The following IBTK variants were observed in gnomAD, a reference collection of about 807,000 sequenced individuals.
The protein encoded by IBTK is BTK-binding protein.
Under a neutral mutation model 154.9 loss-of-function variants are expected in IBTK, and 83 were observed. The ratio of observed to expected loss-of-function variants is 0.54; its 90% CI spans 0.45 to 0.64. The LOEUF is 0.64. Among genes scored for constraint, IBTK ranks in the 30% least tolerant of loss-of-function variants. The probability of loss-of-function intolerance (pLI) is 0.00; values close to 1 mark genes in which losing one functional copy is unlikely to be tolerated. For missense variants in IBTK, 1,332 were observed against 1,584.6 expected (o/e 0.84, Z 2.71); for synonymous variants, 515 against 536.1 (o/e 0.96, Z 0.54).
At chr6:82,177,637 G>A (rs1768168993) in intron 26 of IBTK, among the ~76,000 whole-genome samples, 1 of 151,920 alleles carries the variant, frequency 6.6e-6, no homozygotes, top group Non-Finnish European at 1.5e-5. Context: ...TGGTCTTGAA[G>A]TCCCGACCTC....
At chr6:82,228,792 T>G (rs1770391238) in intron 4 of IBTK, among the ~76,000 whole-genome samples, 1 of 151,938 alleles carries the variant, frequency 6.6e-6, no homozygotes. Flanking sequence ...TGGCTAATTT[T>G]TTATATTTTT....
At chr6:82,219,381 A>G (rs763589947) in intron 9 of IBTK, among the ~76,000 whole-genome samples, 3 of 152,118 alleles carry the variant, frequency 2.0e-5, no homozygotes, top group Non-Finnish European at 2.9e-5. Context: ...TAATTCCTCA[A>G]TTTCTAAAAT....
chr6:82,238,940 T>G (rs1022772724), intron 2 of IBTK, among the ~76,000 whole-genome samples: 2 of 151,688 alleles, frequency 1.3e-5, no homozygotes, highest in Non-Finnish European at 2.9e-5. Context: ...CGTTTTACTA[T>G]GTTGGCCAGG....
rs766984588 is a variant in IBTK, at chr6:82,216,166, T to A, written c.1511A>T (p.Glu504Val). 6.2e-7 allele frequency: 1 copy of A among 1,613,384 alleles called. No homozygotes were observed. Residue 504 changes from glutamate to valine, a missense_variant, in exon 11 of 29, where the codon GAG becomes GTG. Around this residue, in one of 3 missense-constraint regions of IBTK, gnomAD observed 1,134 missense variants for 1,274.7 expected, o/e 0.89. Transcript: ENST00000306270. ...INSVYERIRLEKLTFAHRAVS... is the reference protein window; with the variant it reads ...INSVYERIRLVKLTFAHRAVS... Reference sequence around the variant, plus strand: ...AGCTCTATGTGCAAAGGTAAGTTTCTCAAGTCGAATTCTTTCATACACACT... The same window carrying A: ...AGCTCTATGTGCAAAGGTAAGTTTCACAAGTCGAATTCTTTCATACACACT...
intron 5 of IBTK, among the ~76,000 whole-genome samples, chr6:82,226,912 G>C (rs933714559): frequency 1.3e-5 from 2 of 152,058 alleles, no homozygotes; most frequent in Non-Finnish European, 2.9e-5. Context: ...GGCCTAGTCT[G>C]CCTTCTTCTA....
chr6:82,223,825 C>T (rs1310387654), intron 7 of IBTK, among the ~76,000 whole-genome samples: 1 of 152,046 alleles, frequency 6.6e-6, no homozygotes, highest in East Asian at 1.9e-4. Context: ...TGGTAGGGGC[C>T]TCTGGTCCCA....
At chr6:82,199,632 T>C (rs1242202854) in intron 21 of IBTK, among the ~76,000 whole-genome samples, 1 of 152,170 alleles carries the variant, frequency 6.6e-6, no homozygotes, top group Non-Finnish European at 1.5e-5. Context: ...TCTAAACCCC[T>C]ATGCCACTGG....
intron 5 of IBTK, 69 bp downstream of exon 5, chr6:82,227,123 T>A (rs753140778): frequency 5.8e-6 from 6 of 1,042,576 alleles, no homozygotes; most frequent in Middle Eastern, 2.1e-4. Flanking sequence ...AAAATTTAGT[T>A]AATTAAATCT....
chr6:82,185,134 G>A (rs1256972288), intron 25 of IBTK, among the ~76,000 whole-genome samples: 4 of 136,346 alleles, frequency 2.9e-5, no homozygotes, highest in African/African-American at 1.1e-4. Context: ...AATGAGCCAA[G>A]ATTGCGCCAC....
intron 5 of IBTK, among the ~76,000 whole-genome samples, chr6:82,226,612 T>TG (rs1375605495): frequency 6.6e-6 from 1 of 151,830 alleles, no homozygotes; most frequent in East Asian, 1.9e-4. Flanking sequence ...TTGTTTTTTT[T>TG]TTTTTCTTTT....
chr6:82,206,227 C>A (rs1769406632), intron 16 of IBTK, among the ~76,000 whole-genome samples: 1 of 152,164 alleles, frequency 6.6e-6, no homozygotes, highest in African/African-American at 2.4e-5. Flanking sequence ...CAGGGAATCA[C>A]ATTGACAGCC....
rs924844080 is a variant in IBTK at position 82,200,436 on chromosome 6, T to C, written c.2912+151A>G. The C allele has an allele frequency of 8.0e-5, 63 of 787,712 alleles. No homozygotes were observed. The African/African-American group carries it at 1.0e-3, about 13-fold the overall frequency. 48.8% of individuals were successfully genotyped at this position (787,712 alleles called of 1,614,324 possible). On this transcript the variant is annotated intron_variant, in intron 20 of 28. Coordinates refer to ENST00000306270, the MANE Select transcript of IBTK (RefSeq NM_015525.4). ...ATTATACCAAGGTTAAGAATGAGCGTAACTACCTATTTCTTATGTCAGAAT... is the reference window on the plus strand; with the variant it reads ...ATTATACCAAGGTTAAGAATGAGCGCAACTACCTATTTCTTATGTCAGAAT...
intron 8 of IBTK, among the ~76,000 whole-genome samples, chr6:82,221,435 T>G (rs1661113020): frequency 6.6e-6 from 1 of 152,214 alleles, no homozygotes; most frequent in Admixed American, 6.5e-5. Flanking sequence ...ATAGAAATGC[T>G]TAATTTAAAA....
chr6:82,189,473 T>C (rs1390803258), intron 25 of IBTK, among the ~76,000 whole-genome samples: 1 of 152,140 alleles, frequency 6.6e-6, no homozygotes, highest in Admixed American at 6.5e-5. Context: ...CAAAAATATA[T>C]GTCTTATACA....
In IBTK at chr6:82,232,928, G is replaced by A. The variant is rs187744766; in HGVS notation, c.419-1086C>T. On this transcript the variant is annotated intron_variant, in intron 3 of 28. Coordinates refer to ENST00000306270, the MANE Select transcript of IBTK (RefSeq NM_015525.4). ...AGCACTTTGGGAGACCGAGGCAGAC[G>A]GATCACCTGAGGTCAGGAGTTCGAG... Among the ~76,000 whole-genome samples the A allele has an allele frequency of 3.0e-4, 45 of 152,222 alleles. 1 individual carries two copies. The East Asian group carries it at 7.7e-3, about 26-fold the overall frequency.
intron 22 of IBTK, among the ~76,000 whole-genome samples, chr6:82,195,103 G>A (rs1768930733): frequency 6.6e-6 from 1 of 152,040 alleles, no homozygotes; most frequent in Non-Finnish European, 1.5e-5. Context: ...TAAAACTACT[G>A]CTATTGTAAT....
intron 25 of IBTK, among the ~76,000 whole-genome samples, chr6:82,187,929 T>A (rs183649987): frequency 1.4e-4 from 22 of 152,010 alleles, no homozygotes. Flanking sequence ...CTATTACAAA[T>A]GGTGACAAGT....
chr6:82,178,143 G>A (rs1035347359), intron 26 of IBTK, among the ~76,000 whole-genome samples: 9 of 152,200 alleles, frequency 5.9e-5, no homozygotes, highest in African/African-American at 1.9e-4. Flanking sequence ...CACTAGCAGT[G>A]ATAGCCAAAG....
At chr6:82,242,779 T>C (rs1454550490) in intron 1 of IBTK, among the ~76,000 whole-genome samples, 3 of 151,228 alleles carry the variant, frequency 2.0e-5, no homozygotes, top group African/African-American at 7.3e-5. Context: ...ACCCCATCTC[T>C]ACTAAAAATA....
Sources: gnomAD v4.1 joint callset for allele counts (sites outside exome capture counted in the v4.1 genomes callset) on GRCh38, gnomAD v4.1.1 for gene constraint, gnomAD v4.1.1 regional missense constraint, MANE v1.5 for transcripts, NCBI Gene and HGNC (gene_info 2026-07-23, HGNC 2026-07-21) for gene names.